Variants in AGBL2 observed in about 807,000 individuals in gnomAD.
The protein encoded by AGBL2 is cytosolic carboxypeptidase 2.
AGBL2 carries 87 observed loss-of-function variants against 103.0 expected under a neutral mutation model. The observed-to-expected ratio is 0.84, with a 90% confidence interval of 0.71 to 1.01. AGBL2 has a LOEUF of 1.01. AGBL2 is among the 50% of genes least tolerant of loss of function. AGBL2 has a pLI of 0.00. For synonymous variants in AGBL2, 335 were observed against 356.7 expected (o/e 0.94, Z 0.69); for missense variants, 904 against 1,023.5 (o/e 0.88, Z 1.59).
At chr11:47,669,459 A>G (rs751438368) in intron 14 of AGBL2, among the ~76,000 whole-genome samples, 2 of 152,070 alleles carry the variant, frequency 1.3e-5, no homozygotes, top group African/African-American at 4.8e-5. Context: ...CACCTTGGTC[A>G]GGAGGTGGTC....
chr11:47,667,501 C>T, intron 16 of AGBL2, 70 bp downstream of exon 16: 1 of 1,560,542 alleles, frequency 6.4e-7, no homozygotes, highest in South Asian at 1.2e-5. Flanking sequence ...AAACTTTAAC[C>T]CCCTTTCCTT....
intron 4 of AGBL2, chr11:47,710,071 T>G (rs1255729987): frequency 1.2e-5 from 3 of 244,700 alleles, no homozygotes; most frequent in African/African-American, 6.6e-5. Flanking sequence ...ATATTTTTAG[T>G]AGAGCTGGGG....
intron 13 of AGBL2, among the ~76,000 whole-genome samples, chr11:47,677,985 G>T (rs1264407028): frequency 6.6e-6 from 1 of 150,844 alleles, no homozygotes; most frequent in Non-Finnish European, 1.5e-5. Flanking sequence ...TTTTTTTTGA[G>T]ACAGAGTCTT....
At chr11:47,713,474 G>A (rs1422991024) in intron 3 of AGBL2, among the ~76,000 whole-genome samples, 1 of 148,480 alleles carries the variant, frequency 6.7e-6, no homozygotes, top group African/African-American at 2.5e-5. Flanking sequence ...GCAGTGAGCC[G>A]AGATCGTGCC....
At chr11:47,703,695 C>A (rs1354460491) in intron 7 of AGBL2, among the ~76,000 whole-genome samples, 1 of 151,580 alleles carries the variant, frequency 6.6e-6, no homozygotes, top group Non-Finnish European at 1.5e-5. Context: ...GAGGCCGAGG[C>A]GGGTGGATCA....
rs746621081 is a variant in AGBL2 at position 47,690,899 on chromosome 11, C to G, written c.849-41G>C. ...TAGAACAACTCTGTAAGCTTACACC[C>G]TGCCTTAAAAAACAAATTGGGAAAA... On this transcript the variant is annotated intron_variant, in intron 9 of 18. Transcript: ENST00000525123. 7.9e-6 allele frequency: 12 copies of G among 1,510,966 alleles called. No individual in the cohort carries two copies. The Admixed American group carries it at 1.0e-4, about 13-fold the overall frequency. The allele number at this position is 1,510,966 out of a possible 1,614,324, so 93.6% of individuals were successfully genotyped here.
intron 17 of AGBL2, among the ~76,000 whole-genome samples, chr11:47,665,162 C>T (rs1271264878): frequency 1.3e-5 from 2 of 151,772 alleles, no homozygotes; most frequent in African/African-American, 2.4e-5. Flanking sequence ...ATTACTGTGA[C>T]TCAGCTTCCT....
At chr11:47,685,138 A>G (rs986240554) in intron 11 of AGBL2, among the ~76,000 whole-genome samples, 3 of 152,036 alleles carry the variant, frequency 2.0e-5, no homozygotes, top group African/African-American at 7.2e-5. Flanking sequence ...TGAATCTGGG[A>G]GGCAGAGGTT....
chr11:47,694,027 T>C (rs184387999), intron 8 of AGBL2, among the ~76,000 whole-genome samples: 1 of 152,194 alleles, frequency 6.6e-6, no homozygotes, highest in Admixed American at 6.6e-5. Flanking sequence ...TCGTGTGATA[T>C]ACTCTGTACA....
At position 47,668,828 on chromosome 11, in the gene AGBL2, G is replaced by C; in HGVS notation, c.2214+13C>G. On this transcript the variant is annotated intron_variant, in intron 15 of 18. Transcript: ENST00000525123. Reference sequence around the variant, plus strand: ...TAAGGCTGCTATTTCCTGGGTATAAGAGTTCAGCTTACCTCATCTGCTATG... The same window carrying C: ...TAAGGCTGCTATTTCCTGGGTATAACAGTTCAGCTTACCTCATCTGCTATG... The C allele has an allele frequency of 6.2e-7, 1 of 1,607,760 alleles. No individual in the cohort carries two copies. Among genetic ancestry groups the C allele is most frequent in the South Asian group, 1.1e-5 (1 of 90,874 alleles).
intron 1 of AGBL2, 32 bp downstream of exon 1, chr11:47,715,143 G>C (rs1363311443): frequency 1.9e-5 from 3 of 161,674 alleles, no homozygotes; most frequent in African/African-American, 7.2e-5. Flanking sequence ...GTTTCCTAAG[G>C]GTAGGAGCGG....
At chr11:47,686,547 G>A (rs1377272514) in intron 10 of AGBL2, among the ~76,000 whole-genome samples, 2 of 150,716 alleles carry the variant, frequency 1.3e-5, no homozygotes, top group East Asian at 2.0e-4. Context: ...AGTGTTGGAG[G>A]TGGCGTCTAG....
intron 3 of AGBL2, among the ~76,000 whole-genome samples, chr11:47,713,331 T>G (rs995238602): frequency 5.3e-4 from 52 of 98,916 alleles, no homozygotes; most frequent in African/African-American, 7.4e-4. Context: ...GTGAAAAGAG[T>G]GAGACTCTAT....
At chr11:47,697,676 G>A (rs1247963158) in intron 8 of AGBL2, among the ~76,000 whole-genome samples, 4 of 150,948 alleles carry the variant, frequency 2.6e-5, no homozygotes, top group African/African-American at 9.8e-5. Context: ...CTCCCGAGTA[G>A]CTGGGACTAC....
chr11:47,699,019 T>C (rs1341907838), intron 8 of AGBL2, among the ~76,000 whole-genome samples: 1 of 151,566 alleles, frequency 6.6e-6, no homozygotes. Flanking sequence ...GGTATGGTGT[T>C]CTGCATATTT....
At chr11:47,668,280 G>A (rs1259555063) in intron 15 of AGBL2, among the ~76,000 whole-genome samples, 1 of 149,498 alleles carries the variant, frequency 6.7e-6, no homozygotes, top group African/African-American at 2.5e-5. Context: ...AGGCCAAGGC[G>A]GGCAGATCAC....
rs752803583 is a variant in AGBL2, at chr11:47,710,470, C to T, written c.139G>A (p.Val47Ile). The T allele has an allele frequency of 1.2e-6, 2 of 1,614,180 alleles. No individual in the cohort carries two copies. The highest frequency in any genetic ancestry group is 2.2e-5 in the East Asian group (1 of 44,888). ...SLPNSATHQH[V>I]RKNNPQCLLN... ...AGGCATTGAGGGTTATTCTTCCGAA[C>T]ATGCTGATGCGTAGCAGAGTTTGGT... is the stretch of plus-strand genomic sequence containing the variant. The change falls in exon 4 of 19, where the codon GTT becomes ATT. Residue 47 changes from valine to isoleucine, a missense_variant. Coordinates refer to ENST00000525123, the MANE Select transcript of AGBL2 (RefSeq NM_024783.4).
intron 8 of AGBL2, among the ~76,000 whole-genome samples, chr11:47,697,444 T>C (rs2097479405): frequency 6.6e-6 from 1 of 152,016 alleles, no homozygotes; most frequent in Non-Finnish European, 1.5e-5. Context: ...TTCACCATGT[T>C]AGCCACGATG....
rs749217740 is a variant in AGBL2, at chr11:47,663,001, A to G, written c.2535+25T>C. 2.7e-6 allele frequency: 4 copies of G among 1,502,730 alleles called. No individual in the cohort carries two copies. In the Admixed American group the frequency reaches 7.5e-5, roughly 28 times the overall value. 93.1% of individuals were successfully genotyped at this position (1,502,730 alleles called of 1,614,324 possible). ...TAAAATTAATCACTGGCATATAAGT[A>G]TATACAGTATATTAGGTGAAGTACC... On this transcript the variant is annotated intron_variant, in intron 18 of 18. Coordinates refer to ENST00000525123, the MANE Select transcript of AGBL2 (RefSeq NM_024783.4).
Sources: allele counts gnomAD v4.1 joint callset (sites outside exome capture counted in the v4.1 genomes callset), GRCh38; gene constraint gnomAD v4.1.1; transcripts MANE v1.5; gene names NCBI Gene and HGNC (gene_info 2026-07-23, HGNC 2026-07-21).